Variants in GALNTL6 observed in about 807,000 individuals in gnomAD.
The protein encoded by GALNTL6 is polypeptide N-acetylgalactosaminyltransferase like 6, also known as polypeptide N-acetylgalactosaminyltransferase-like 6.
GALNTL6 carries 46 observed loss-of-function variants against 73.7 expected under a neutral mutation model. The ratio of observed to expected loss-of-function variants is 0.62; its 90% CI spans 0.49 to 0.80. GALNTL6 has a LOEUF of 0.80. Ranked by LOEUF, GALNTL6 falls within the 30% of genes least tolerant of loss-of-function variation. The probability of loss-of-function intolerance (pLI) is 0.00; values close to 1 mark genes in which losing one functional copy is unlikely to be tolerated. For synonymous variants in GALNTL6, 259 were observed against 263.7 expected, an observed-to-expected ratio of 0.98 and a Z score of 0.17; for missense variants, 604 against 755.0, an observed-to-expected ratio of 0.80 and a Z score of 2.34.
intron 5 of GALNTL6, among the ~76,000 whole-genome samples, chr4:172,803,417 G>C (rs537777704): frequency 6.6e-6 from 1 of 152,302 alleles, no homozygotes; most frequent in South Asian, 2.1e-4. Flanking sequence ...GGTGATCTGA[G>C]GTAAAATAGT....
At chr4:172,245,618 C>T (rs148317555) in intron 3 of GALNTL6, among the ~76,000 whole-genome samples, 104 of 152,256 alleles carry the variant, frequency 6.8e-4, no homozygotes, top group Admixed American at 4.1e-3. Flanking sequence ...CCCAGATTAT[C>T]ATTAAAGCAA....
At chr4:172,361,574 G>A (rs944072759) in intron 5 of GALNTL6, among the ~76,000 whole-genome samples, 2 of 152,068 alleles carry the variant, frequency 1.3e-5, no homozygotes. Flanking sequence ...TCGAACCCAG[G>A]ATAATAAGCT....
At chr4:171,891,525 A>G (rs1406125702) in intron 2 of GALNTL6, among the ~76,000 whole-genome samples, 1 of 152,240 alleles carries the variant, frequency 6.6e-6, no homozygotes, top group African/African-American at 2.4e-5. Flanking sequence ...CATTGTCTCA[A>G]TGTTAGTCCT....
intron 2 of GALNTL6, among the ~76,000 whole-genome samples, chr4:172,020,156 C>T (rs1272347725): frequency 6.6e-6 from 1 of 151,776 alleles, no homozygotes; most frequent in Non-Finnish European, 1.5e-5. Flanking sequence ...TTATGGGATA[C>T]AATAAAAGCA....
At chr4:172,768,230 C>T (rs1239490464) in intron 5 of GALNTL6, among the ~76,000 whole-genome samples, 1 of 152,142 alleles carries the variant, frequency 6.6e-6, no homozygotes, top group Non-Finnish European at 1.5e-5. Context: ...ATGAAAGAGA[C>T]ATGGACCCTT....
At chr4:172,638,070 G>C (rs117627168) in intron 5 of GALNTL6, among the ~76,000 whole-genome samples, 1 of 152,128 alleles carries the variant, frequency 6.6e-6, no homozygotes, top group African/African-American at 2.4e-5. Context: ...TTTCCAAGCA[G>C]TGGCTCATGT....
chr4:172,349,525 T>A (rs1741867683), intron 5 of GALNTL6, among the ~76,000 whole-genome samples: 1 of 152,124 alleles, frequency 6.6e-6, no homozygotes, highest in South Asian at 2.1e-4. Flanking sequence ...TTTGGAAATG[T>A]TATTTGTCAC....
chr4:172,923,360 CT>C (rs748534984), intron 8 of GALNTL6, among the ~76,000 whole-genome samples: 9 of 152,208 alleles, frequency 5.9e-5, no homozygotes, highest in Admixed American at 3.3e-4. Flanking sequence ...GACTTATTCA[CT>C]GTCATGAGAA....
chr4:172,099,662 T>C (rs1486278732), intron 2 of GALNTL6, among the ~76,000 whole-genome samples: 1 of 152,172 alleles, frequency 6.6e-6, no homozygotes, highest in Non-Finnish European at 1.5e-5. Flanking sequence ...CATCTAGCAC[T>C]ACACTTGTCT....
intron 2 of GALNTL6, among the ~76,000 whole-genome samples, chr4:172,034,280 A>T (rs1473288959): frequency 6.6e-6 from 1 of 151,956 alleles, no homozygotes; most frequent in Non-Finnish European, 1.5e-5. Context: ...AGACACTTTG[A>T]GGAGCTGGCC....
intron 2 of GALNTL6, among the ~76,000 whole-genome samples, chr4:171,988,307 G>A (rs192494752): frequency 1.2e-4 from 18 of 152,290 alleles, no homozygotes; most frequent in East Asian, 3.9e-4. Context: ...GGGAGAGCAC[G>A]TGTGTTTTTA....
intron 3 of GALNTL6, among the ~76,000 whole-genome samples, chr4:172,290,001 G>A (rs1739406720): frequency 6.6e-6 from 1 of 152,060 alleles, no homozygotes; most frequent in South Asian, 2.1e-4. Context: ...TATTTTCCTA[G>A]GATTCAGTTA....
At position 172,137,493 on chromosome 4, in the gene GALNTL6, T is replaced by C. The variant is rs540771703; in HGVS notation, c.139-92163T>C. Among the ~76,000 whole-genome samples the C allele has an allele frequency of 1.8e-4, 28 of 152,284 alleles. 1 individual carries two copies. The highest frequency in any genetic ancestry group is 6.0e-4 in the African/African-American group (25 of 41,566). On this transcript the variant is annotated intron_variant, in intron 2 of 12. Coordinates refer to ENST00000506823, the MANE Select transcript of GALNTL6 (RefSeq NM_001034845.3). ...AAAGTTTATTTGCAGACATTTTGCCTGAGCCAAACAAATGACGTCTATTTA... is the reference window on the plus strand; with the variant it reads ...AAAGTTTATTTGCAGACATTTTGCCCGAGCCAAACAAATGACGTCTATTTA...
chr4:172,880,689 A>G lies in GALNTL6; in HGVS notation c.924-2101A>G, dbSNP rs939565729. On this transcript the variant is annotated intron_variant, in intron 7 of 12. Coordinates refer to ENST00000506823, the MANE Select transcript of GALNTL6 (RefSeq NM_001034845.3). Reference sequence around the variant, plus strand: ...TAAGCTGTTTTAAAACTCACGGGCAAATATGAGTAAATACATAAACACAGT... The same window carrying G: ...TAAGCTGTTTTAAAACTCACGGGCAGATATGAGTAAATACATAAACACAGT... 3.3e-5 allele frequency among the ~76,000 whole-genome samples: 5 copies of G among 152,272 alleles called. No individual in the cohort carries two copies. The Middle Eastern group carries it at 0.014, about 414-fold the overall frequency.
intron 3 of GALNTL6, among the ~76,000 whole-genome samples, chr4:172,233,348 C>CTAAA (rs3083265): frequency 0.024 from 3,524 of 146,768 alleles, 140 homozygotes; most frequent in African/African-American, 0.083. Context: ...GACTCTGTCT[C>CTAAA]TAAATAAATA....
At chr4:172,643,432 G>A (rs540381727) in intron 5 of GALNTL6, among the ~76,000 whole-genome samples, 1 of 152,050 alleles carries the variant, frequency 6.6e-6, no homozygotes, top group Admixed American at 6.6e-5. Flanking sequence ...ACATAAAAGT[G>A]TACAAATCAT....
intron 5 of GALNTL6, among the ~76,000 whole-genome samples, chr4:172,586,038 C>CT (rs1737398249): frequency 2.6e-5 from 4 of 152,174 alleles, no homozygotes; most frequent in African/African-American, 9.6e-5. Flanking sequence ...TGGAGAAACA[C>CT]TAACACTTTT....
At chr4:171,954,236 G>A (rs555399674) in intron 2 of GALNTL6, among the ~76,000 whole-genome samples, 1 of 152,304 alleles carries the variant, frequency 6.6e-6, no homozygotes, top group African/African-American at 2.4e-5. Flanking sequence ...TGCCAATGAA[G>A]AGTTGTGATT....
At chr4:172,532,218 G>T (rs1179544693) in intron 5 of GALNTL6, among the ~76,000 whole-genome samples, 2 of 152,154 alleles carry the variant, frequency 1.3e-5, no homozygotes, top group Non-Finnish European at 2.9e-5. Context: ...GTTAAGAAGA[G>T]GTTACTAAGG....
Sources: gnomAD v4.1 joint callset for allele counts (sites outside exome capture counted in the v4.1 genomes callset) on GRCh38, gnomAD v4.1.1 for gene constraint, MANE v1.5 for transcripts, NCBI Gene and HGNC (gene_info 2026-07-23, HGNC 2026-07-21) for gene names.